Variants in MAPRE2 observed in about 807,000 individuals in gnomAD.
MAPRE2 encodes the protein microtubule associated protein RP/EB family member 2, also known as microtubule-associated protein RP/EB family member 2.
A neutral mutation model predicts 43.2 loss-of-function variants in MAPRE2; 13 were observed. The ratio of observed to expected loss-of-function variants is 0.30; its 90% CI spans 0.20 to 0.48. The LOEUF (loss-of-function observed/expected upper bound fraction) is 0.48. MAPRE2 is among the 20% of genes least tolerant of loss of function. The pLI, the probability that MAPRE2 is intolerant of heterozygous loss-of-function variation, is 0.99. For synonymous variants in MAPRE2, 135 were observed against 148.8 expected, an observed-to-expected ratio of 0.91 and a Z score of 0.68; for missense variants, 161 against 400.2, an observed-to-expected ratio of 0.40 and a Z score of 5.10.
At chr18:35,101,592 C>T (rs1018181044) in intron 3 of MAPRE2, among the ~76,000 whole-genome samples, 1 of 152,236 alleles carries the variant, frequency 6.6e-6, no homozygotes, top group African/African-American at 2.4e-5. Context: ...CCTATGAATT[C>T]GCTTGTTTTG....
intron 1 of MAPRE2, among the ~76,000 whole-genome samples, chr18:34,994,651 T>A (rs1407059645): frequency 1.3e-5 from 2 of 152,206 alleles, no homozygotes; most frequent in Non-Finnish European, 2.9e-5. Flanking sequence ...TCTATTGTAA[T>A]ATTTTATATC....
intron 2 of MAPRE2, among the ~76,000 whole-genome samples, chr18:35,075,568 T>A (rs1055322489): frequency 6.6e-6 from 1 of 152,220 alleles, no homozygotes; most frequent in Non-Finnish European, 1.5e-5. Flanking sequence ...GAAAGTTAGG[T>A]CATCTTAGAT....
chr18:35,103,379 C>A (rs1398234062), intron 4 of MAPRE2, among the ~76,000 whole-genome samples: 7 of 152,076 alleles, frequency 4.6e-5, no homozygotes, highest in Non-Finnish European at 1.0e-4. Flanking sequence ...ACTTCTTGTA[C>A]AACTGGAAGG....
At position 35,070,263 on chromosome 18, in the gene MAPRE2, T is replaced by C; in HGVS notation, c.191T>C (p.Ile64Thr). The change falls in exon 2 of 7, where the codon ATT becomes ACT. Residue 64 changes from isoleucine (I) to threonine (T), a missense_variant. Around this residue, in one of 2 missense-constraint regions of MAPRE2, gnomAD observed 65 missense variants for 246.9 expected, o/e 0.26. Transcript: ENST00000300249. ...TQETMSRHDI[I>T]AWVNDIVSLN... ...GAGACTATGAGCAGACATGACATCA[T>C]TGCATGGGTTAATGACATAGTATCT... 1 of 1,612,186 alleles carries C rather than the reference T, an allele frequency of 6.2e-7. No homozygotes were observed. Among genetic ancestry groups the C allele is most frequent in the Non-Finnish European group, 8.5e-7 (1 of 1,178,978 alleles).
chr18:35,062,901 G>T (rs1404928968), intron 1 of MAPRE2, among the ~76,000 whole-genome samples: 1 of 152,190 alleles, frequency 6.6e-6, no homozygotes, highest in African/African-American at 2.4e-5. Context: ...GTGAAACTGG[G>T]TGAAGAATGC....
intron 2 of MAPRE2, among the ~76,000 whole-genome samples, chr18:35,071,889 T>C (rs936322823): frequency 6.6e-6 from 1 of 152,242 alleles, no homozygotes; most frequent in African/African-American, 2.4e-5. Context: ...CACAAATCTA[T>C]GCCTAGGTCT....
chr18:35,095,010 T>C (rs1908336841), intron 2 of MAPRE2, among the ~76,000 whole-genome samples: 1 of 152,120 alleles, frequency 6.6e-6, no homozygotes, highest in South Asian at 2.1e-4. Context: ...CCCCAGGTAG[T>C]AGGTGTCCAA....
chr18:35,026,735 C>T (rs552031059), intron 2 of MAPRE2, among the ~76,000 whole-genome samples: 1 of 152,314 alleles, frequency 6.6e-6, no homozygotes, highest in South Asian at 2.1e-4. Flanking sequence ...TAGGGACCTT[C>T]TGTGTGGCTT....
At position 35,060,419 on chromosome 18, in the gene MAPRE2, A is replaced by T. The variant is rs73946506; in HGVS notation, c.123-9776A>T. On this transcript the variant is annotated intron_variant, in intron 1 of 6. Transcript: ENST00000300249. Reference sequence around the variant, plus strand: ...CATGGACGAAGCCACCCACTGCTAGAAACAGATGGACATTTAGGCAAATAT... The same window carrying T: ...CATGGACGAAGCCACCCACTGCTAGTAACAGATGGACATTTAGGCAAATAT... 2.9e-3 allele frequency among the ~76,000 whole-genome samples: 435 copies of T among 152,338 alleles called. 3 individuals are homozygous for T. Among genetic ancestry groups the T allele is most frequent in the African/African-American group, 0.01 (424 of 41,570 alleles).
In MAPRE2 at chr18:35,132,130, G is replaced by A. The variant is rs771921081; in HGVS notation, c.849G>A (p.Gly283=). ...REIELLCQEH[G]QENDDLVQRL... is the part of the protein sequence containing the mutation. Reference sequence around the variant, plus strand: ...TCGAGCTACTCTGCCAAGAACACGGGCAGGAAAATGATGACCTCGTGCAGA... The same window carrying A: ...TCGAGCTACTCTGCCAAGAACACGGACAGGAAAATGATGACCTCGTGCAGA... The change falls in exon 6 of 7, where the codon GGG becomes GGA. Residue 283 remains glycine, a synonymous_variant. Coordinates refer to ENST00000300249, the MANE Select transcript of MAPRE2 (RefSeq NM_014268.4). 10 of 1,614,076 alleles carry A rather than the reference G, an allele frequency of 6.2e-6. No homozygotes were observed. In the South Asian group the frequency reaches 8.8e-5, roughly 14 times the overall value.
upstream of MAPRE2, among the ~76,000 whole-genome samples, chr18:35,037,743 G>C (rs890465568): frequency 6.6e-6 from 1 of 151,942 alleles, no homozygotes; most frequent in Non-Finnish European, 1.5e-5. Flanking sequence ...TCTTAAACTT[G>C]CTAGTTCACA....
intron 3 of MAPRE2, among the ~76,000 whole-genome samples, chr18:35,098,333 A>T (rs1012618283): frequency 5.3e-5 from 8 of 152,244 alleles, no homozygotes; most frequent in Admixed American, 2.6e-4. Context: ...GAAAAGAGAT[A>T]AACCAGCAGG....
chr18:35,119,833 ATTTTC>A (rs894152241), intron 4 of MAPRE2, among the ~76,000 whole-genome samples: 2 of 152,122 alleles, frequency 1.3e-5, no homozygotes, highest in African/African-American at 4.8e-5. Context: ...AATGAGCCTT[ATTTTC>A]TTAGTATTTC....
chr18:35,065,199 G>A (rs1422616358), intron 1 of MAPRE2, among the ~76,000 whole-genome samples: 1 of 152,016 alleles, frequency 6.6e-6, no homozygotes, highest in African/African-American at 2.4e-5. Context: ...TTGGGAGGCT[G>A]AAGCAGGGGA....
intron 2 of MAPRE2, among the ~76,000 whole-genome samples, chr18:35,028,705 A>G (rs183633813): frequency 3.5e-4 from 54 of 152,324 alleles, no homozygotes; most frequent in Admixed American, 1.2e-3. Flanking sequence ...AAGAGGGAGG[A>G]GCAAACAAAA....
chr18:35,016,531 G>A (rs1309362384), intron 2 of MAPRE2, among the ~76,000 whole-genome samples: 2 of 152,104 alleles, frequency 1.3e-5, no homozygotes, highest in African/African-American at 4.8e-5. Flanking sequence ...TCTCATTGTG[G>A]TTTTGATTTG....
intron 3 of MAPRE2, 93 bp downstream of exon 3, chr18:35,097,684 A>G (rs1432265764): frequency 4.6e-6 from 5 of 1,081,606 alleles, no homozygotes; most frequent in African/African-American, 1.6e-5. Flanking sequence ...CCAATGGGAT[A>G]TATCTTGATA....
chr18:35,126,870 C>A (rs1909926784), intron 4 of MAPRE2, 78 bp from the exon 5 acceptor site: 2 of 1,270,046 alleles, frequency 1.6e-6, no homozygotes, highest in Admixed American at 1.9e-5. Flanking sequence ...AAGCTCTTTT[C>A]ATATCATTCA....
rs774229047 is a variant in MAPRE2 at position 35,132,019 on chromosome 18, C to G, written c.751-13C>G. On this transcript the variant is annotated splice_polypyrimidine_tract_variant and intron_variant, in intron 5 of 6. Transcript: ENST00000300249. ...TTGGGTGGTTTTTTTTCTTCACTCTCACTCCCTTGCAGGTACATTCATTAA... is the reference window on the plus strand; with the variant it reads ...TTGGGTGGTTTTTTTTCTTCACTCTGACTCCCTTGCAGGTACATTCATTAA... The G allele has an allele frequency of 1.2e-6, 2 of 1,612,982 alleles. No individual in the cohort carries two copies.
Sources: allele counts gnomAD v4.1 joint callset (sites outside exome capture counted in the v4.1 genomes callset), GRCh38; gene constraint gnomAD v4.1.1; regional missense constraint gnomAD v4.1.1; transcripts MANE v1.5; gene names NCBI Gene and HGNC (gene_info 2026-07-23, HGNC 2026-07-21).